The following IL7R variants were observed in gnomAD, a reference collection of about 807,000 sequenced individuals.
IL7R encodes interleukin 7 receptor, also known as interleukin-7 receptor subunit alpha.
Under a neutral mutation model 47.0 loss-of-function variants are expected in IL7R, and 38 were observed. The observed-to-expected ratio is 0.81, with a 90% CI of 0.62 to 1.06. The LOEUF (loss-of-function observed/expected upper bound fraction) is 1.06, where lower values mean the gene tolerates loss of function less well. Ranked by LOEUF, IL7R falls within the 50% of genes least tolerant of loss-of-function variation. The probability of loss-of-function intolerance (pLI) is 0.00; values close to 1 mark genes in which losing one functional copy is unlikely to be tolerated. For missense variants in IL7R, 633 were observed against 534.8 expected, an observed-to-expected ratio of 1.18 and a Z score of -1.81; for synonymous variants, 221 against 199.8, an observed-to-expected ratio of 1.11 and a Z score of -0.89.
intron 6 of IL7R, among the ~76,000 whole-genome samples, chr5:35,874,930 T>C (rs575703521): frequency 6.6e-6 from 1 of 152,346 alleles, no homozygotes; most frequent in African/African-American, 2.4e-5. Context: ...TGTTTCATCA[T>C]AAAAATGATG....
At position 35,867,438 on chromosome 5, in the gene IL7R, C is replaced by A; in HGVS notation, c.354C>A (p.Cys118Ter). ...CVKVGEKSLT[C>*]KKIDLTTIVK... ...AGGTTGGAGAAAAGAGTCTAACCTG[C>A]AAAAAAATAGACCTAACCACTATAG... The change falls in exon 3 of 8, where the codon TGC becomes TGA. Residue 118 changes from cysteine (C) to a stop codon, truncating the protein, a stop_gained. Transcript: ENST00000303115. LOFTEE classifies it high-confidence loss of function. The A allele has an allele frequency of 1.3e-5, 21 of 1,612,344 alleles. No homozygotes were observed. Among genetic ancestry groups the A allele is most frequent in the Non-Finnish European group, 1.6e-5 (19 of 1,179,322 alleles).
At position 35,867,424 on chromosome 5, in the gene IL7R, A is replaced by G. The variant is rs771667604; in HGVS notation, c.340A>G (p.Lys114Glu). The G allele has an allele frequency of 8.1e-6, 13 of 1,613,312 alleles. No homozygotes were observed. The African/African-American group carries it at 9.3e-5, about 12-fold the overall frequency. Reference protein sequence around the residue: ...KSNICVKVGEKSLTCKKIDLT... With the variant: ...KSNICVKVGEESLTCKKIDLT... ...CAATATATGTGTGAAGGTTGGAGAA[A>G]AGAGTCTAACCTGCAAAAAAATAGA... The change falls in exon 3 of 8, where the codon AAG becomes GAG. Residue 114 changes from lysine to glutamate, a missense_variant. Physicochemically the swap from Lys to Glu is moderately conservative, Grantham distance 56. Transcript: ENST00000303115.
intron 2 of IL7R, among the ~76,000 whole-genome samples, chr5:35,862,859 C>T (rs985707519): frequency 6.6e-6 from 1 of 152,058 alleles, no homozygotes; most frequent in African/African-American, 2.4e-5. Context: ...CTAGTTTCTC[C>T]ACATCCCATG....
chr5:35,858,789 C>T (rs1369234169), intron 1 of IL7R, among the ~76,000 whole-genome samples: 1 of 152,176 alleles, frequency 6.6e-6, no homozygotes. Context: ...TAAGCTACCT[C>T]TTTGTAAATA....
At position 35,875,588 on chromosome 5, in the gene IL7R, G is replaced by GTGAGTGTT. The variant is rs768950875; in HGVS notation, c.876+3_876+10dup. ...ACATCTTTGTAAGAAACCAAGAAAA[G>GTGAGTGTT]TGAGTGTTTTTGGTGCTTAAAAAGT... On this transcript the variant is annotated splice_donor_variant, in intron 7 of 7. Coordinates refer to ENST00000303115, the MANE Select transcript of IL7R (RefSeq NM_002185.5). LOFTEE classifies it high-confidence loss of function. 83 of 1,610,044 alleles carry GTGAGTGTT rather than the reference G, an allele frequency of 5.2e-5. No homozygotes were observed. The highest frequency in any genetic ancestry group is 6.7e-5 in the Non-Finnish European group (79 of 1,176,250).
At chr5:35,866,609 T>A (rs1759946993) in intron 2 of IL7R, among the ~76,000 whole-genome samples, 2 of 152,144 alleles carry the variant, frequency 1.3e-5, no homozygotes, top group South Asian at 4.1e-4. Flanking sequence ...AATATTCCAT[T>A]TCTATGTGGG....
intron 2 of IL7R, among the ~76,000 whole-genome samples, chr5:35,865,174 C>T (rs553972369): frequency 7.2e-5 from 11 of 152,104 alleles, no homozygotes; most frequent in East Asian, 1.9e-4. Flanking sequence ...GTGCTCTTAT[C>T]GTTCAATTCC....
At chr5:35,859,453 G>A (rs886601513) in intron 1 of IL7R, among the ~76,000 whole-genome samples, 5 of 152,206 alleles carry the variant, frequency 3.3e-5, no homozygotes, top group Admixed American at 2.6e-4. Context: ...TCATTATTTC[G>A]TGCTGTCATC....
intron 4 of IL7R, 139 bp downstream of exon 4, chr5:35,871,352 T>G (rs1251820075): frequency 1.5e-6 from 1 of 677,984 alleles, no homozygotes; most frequent in Non-Finnish European, 2.6e-6. Flanking sequence ...TCTCCCAATA[T>G]TGGCCCCATG....
intron 4 of IL7R, 60 bp downstream of exon 4, chr5:35,871,273 C>A: frequency 7.2e-7 from 1 of 1,387,756 alleles, no homozygotes; most frequent in Non-Finnish European, 1.0e-6. Context: ...ATTTTGTTGG[C>A]CTAGTAGTGC....
At chr5:35,870,748 A>G (rs1202772433) in intron 3 of IL7R, among the ~76,000 whole-genome samples, 2 of 152,170 alleles carry the variant, frequency 1.3e-5, no homozygotes, top group African/African-American at 2.4e-5. Flanking sequence ...ACCGTCTGTA[A>G]TGCAGGACTC....
At chr5:35,858,241 T>A (rs11567698) in intron 1 of IL7R, among the ~76,000 whole-genome samples, 4 of 152,294 alleles carry the variant, frequency 2.6e-5, no homozygotes, top group African/African-American at 9.6e-5. Context: ...AGTTTCAGAT[T>A]TTTTAGAAGA....
chr5:35,861,115 C>A, intron 2 of IL7R, 125 bp downstream of exon 2: 1 of 1,027,104 alleles, frequency 9.7e-7, no homozygotes. Context: ...CTAAGGAATT[C>A]CCAAAGGCCT....
chr5:35,874,035 A>G (rs989218444), intron 5 of IL7R, among the ~76,000 whole-genome samples: 2 of 152,122 alleles, frequency 1.3e-5, no homozygotes, highest in Non-Finnish European at 2.9e-5. Context: ...CGGCTGTCCT[A>G]TGTCTCCTTT....
At position 35,865,868 on chromosome 5, in the gene IL7R, T is replaced by C. The variant is rs182203144; in HGVS notation, c.222-1438T>C. 5.7e-4 allele frequency among the ~76,000 whole-genome samples: 87 copies of C among 152,286 alleles called. 1 individual carries two copies. The highest frequency in any genetic ancestry group is 3.4e-3 in the Middle Eastern group (1 of 294). ...CACATGAAAAAATGCTCATCATCAA[T>C]GGCCATCAGAGAAACGCAAATCAAA... is the stretch of plus-strand genomic sequence containing the variant. On this transcript the variant is annotated intron_variant, in intron 2 of 7. Transcript: ENST00000303115.
At chr5:35,874,806 C>T (rs1760164790) in intron 6 of IL7R, among the ~76,000 whole-genome samples, 1 of 152,186 alleles carries the variant, frequency 6.6e-6, no homozygotes, top group African/African-American at 2.4e-5. Flanking sequence ...TCCAGTATCT[C>T]CTAAAGGTTG....
intron 2 of IL7R, among the ~76,000 whole-genome samples, chr5:35,863,374 C>G (rs577576084): frequency 6.6e-6 from 1 of 152,214 alleles, no homozygotes; most frequent in South Asian, 2.1e-4. Flanking sequence ...CATTTAACCT[C>G]CTGGCCAGCT....
At chr5:35,858,011 T>G (rs1759701862) in intron 1 of IL7R, among the ~76,000 whole-genome samples, 4 of 152,016 alleles carry the variant, frequency 2.6e-5, no homozygotes, top group Admixed American at 2.6e-4. Context: ...TGTCAGAGAG[T>G]TTGACATTTT....
At chr5:35,870,623 A>G (rs1348249052) in intron 3 of IL7R, among the ~76,000 whole-genome samples, 1 of 152,222 alleles carries the variant, frequency 6.6e-6, no homozygotes, top group Non-Finnish European at 1.5e-5. Flanking sequence ...AACATATGAT[A>G]TCTCAAACAC....
Sources: gnomAD v4.1 joint callset for allele counts (sites outside exome capture counted in the v4.1 genomes callset) on GRCh38, gnomAD v4.1.1 for gene constraint, MANE v1.5 for transcripts, NCBI Gene and HGNC (gene_info 2026-07-23, HGNC 2026-07-21) for gene names.